Variants in PHF21A observed in about 807,000 individuals in gnomAD.
PHF21A encodes the protein PHD finger protein 21A, also known as BHC80a.
PHF21A carries 11 observed loss-of-function variants against 82.5 expected under a neutral mutation model. The observed-to-expected ratio is 0.13, with a 90% CI of 0.08 to 0.22. The LOEUF (loss-of-function observed/expected upper bound fraction) is 0.22, where lower values mean the gene tolerates loss of function less well. Ranked by LOEUF, PHF21A falls within the 10% of genes least tolerant of loss-of-function variation. PHF21A has a pLI of 1.00. For missense variants in PHF21A, 579 were observed against 837.8 expected (o/e 0.69, Z 3.81); for synonymous variants, 297 against 302.8 (o/e 0.98, Z 0.20).
chr11:46,005,048 C>T (rs549814207), intron 6 of PHF21A, among the ~76,000 whole-genome samples: 1 of 152,232 alleles, frequency 6.6e-6, no homozygotes, highest in South Asian at 2.1e-4. Context: ...CATGTATACA[C>T]CCAACTAATA....
intron 1 of PHF21A, among the ~76,000 whole-genome samples, chr11:46,093,706 A>G (rs1486605566): frequency 6.6e-6 from 1 of 152,206 alleles, no homozygotes; most frequent in East Asian, 1.9e-4. Context: ...GTAAATGCTC[A>G]ATAAATGTTT....
intron 6 of PHF21A, among the ~76,000 whole-genome samples, chr11:46,057,252 T>G (rs2096471932): frequency 6.6e-6 from 1 of 152,180 alleles, no homozygotes; most frequent in Non-Finnish European, 1.5e-5. Flanking sequence ...CAATGTACAC[T>G]CAACTCAGCT....
intron 9 of PHF21A, among the ~76,000 whole-genome samples, chr11:45,966,526 T>C (rs1465558685): frequency 6.6e-6 from 1 of 152,226 alleles, no homozygotes; most frequent in Non-Finnish European, 1.5e-5. Context: ...TCAGCCTTGC[T>C]TGGGTTCAAA....
chr11:45,974,480 G>T (rs2093930454), intron 7 of PHF21A, among the ~76,000 whole-genome samples: 1 of 151,392 alleles, frequency 6.6e-6, no homozygotes, highest in Non-Finnish European at 1.5e-5. Context: ...TTGAGACAGG[G>T]TCTTGCTCTG....
chr11:45,971,890 C>CTTTCTTTTT (rs57081937), intron 7 of PHF21A, among the ~76,000 whole-genome samples: 1,344 of 50,306 alleles, frequency 0.027, 383 homozygotes, highest in Non-Finnish European at 0.039. Context: ...CTTTTTCTTT[C>CTTTCTTTTT]TTTTTTTTTT....
At chr11:46,116,440 G>A (rs1466899216) in intron 1 of PHF21A, 1 of 152,064 alleles carries the variant, frequency 6.6e-6, no homozygotes, top group East Asian at 1.9e-4. Flanking sequence ...AGAGTCTATA[G>A]AAGAATCAGG....
At position 45,993,854 on chromosome 11, in the gene PHF21A, T is replaced by C. The variant is rs187459672; in HGVS notation, c.154-13888A>G. 3.6e-3 allele frequency among the ~76,000 whole-genome samples: 548 copies of C among 151,922 alleles called. 4 individuals are homozygous for C. The highest frequency in any genetic ancestry group is 0.01 in the Middle Eastern group (3 of 294). On this transcript the variant is annotated intron_variant, in intron 6 of 18. Coordinates refer to ENST00000676320, the MANE Select transcript of PHF21A (RefSeq NM_001352027.3). ...GATGAGGCTCGGGCAGCTGGCGAGA[T>C]AGCTCTGGAGCCTGTTACACCGACA...
At chr11:46,099,563 C>CA (rs55803326) in intron 1 of PHF21A, among the ~76,000 whole-genome samples, 2 of 146,974 alleles carry the variant, frequency 1.4e-5, no homozygotes. Flanking sequence ...CACACACACA[C>CA]CCTAAACACA....
intron 4 of PHF21A, among the ~76,000 whole-genome samples, chr11:46,081,742 A>G (rs973535420): frequency 1.3e-5 from 2 of 152,242 alleles, no homozygotes; most frequent in Non-Finnish European, 2.9e-5. Context: ...AAGGTAAGCA[A>G]AACAACCCAT....
At chr11:46,071,056 T>C (rs1243469069) in intron 6 of PHF21A, among the ~76,000 whole-genome samples, 2 of 152,226 alleles carry the variant, frequency 1.3e-5, no homozygotes, top group East Asian at 3.8e-4. Flanking sequence ...GTGCGGTAGA[T>C]GAATTACTGT....
intron 2 of PHF21A, among the ~76,000 whole-genome samples, chr11:46,091,641 C>T (rs1466854403): frequency 1.3e-5 from 2 of 152,182 alleles, no homozygotes; most frequent in Non-Finnish European, 2.9e-5. Context: ...GTTAAATTAA[C>T]CTAAGCCACT....
intron 6 of PHF21A, among the ~76,000 whole-genome samples, chr11:46,068,987 A>G (rs1466100391): frequency 6.6e-6 from 1 of 152,164 alleles, no homozygotes; most frequent in Non-Finnish European, 1.5e-5. Flanking sequence ...GAGATAGTAA[A>G]ATCTTTGACC....
intron 6 of PHF21A, among the ~76,000 whole-genome samples, chr11:45,988,257 T>C (rs1489695706): frequency 1.3e-5 from 2 of 152,170 alleles, no homozygotes; most frequent in Non-Finnish European, 2.9e-5. Flanking sequence ...GCAGAATACA[T>C]CCACTAAGAA....
At chr11:46,041,797 T>G (rs555508162) in intron 6 of PHF21A, among the ~76,000 whole-genome samples, 2 of 152,322 alleles carry the variant, frequency 1.3e-5, no homozygotes, top group African/African-American at 4.8e-5. Flanking sequence ...CTATCACACA[T>G]CTTTCTTCTC....
intron 3 of PHF21A, among the ~76,000 whole-genome samples, chr11:46,085,176 A>G (rs1358977232): frequency 6.6e-6 from 1 of 152,174 alleles, no homozygotes; most frequent in Non-Finnish European, 1.5e-5. Flanking sequence ...AGACAAATAC[A>G]ATGCAATATA....
intron 6 of PHF21A, among the ~76,000 whole-genome samples, chr11:46,046,753 A>G (rs1039539230): frequency 4.6e-5 from 7 of 152,282 alleles, no homozygotes; most frequent in Admixed American, 1.3e-4. Context: ...TAAACACACT[A>G]TAAAACCCAA....
chr11:45,968,575 TC>T (rs1195648672), intron 9 of PHF21A, among the ~76,000 whole-genome samples: 1 of 152,204 alleles, frequency 6.6e-6, no homozygotes, highest in Non-Finnish European at 1.5e-5. Context: ...GGATTTTAGG[TC>T]AGACTGAATG....
At chr11:46,023,489 G>A (rs1194160331) in intron 6 of PHF21A, among the ~76,000 whole-genome samples, 1 of 152,182 alleles carries the variant, frequency 6.6e-6, no homozygotes, top group Admixed American at 6.5e-5. Flanking sequence ...TCTAGAAAGG[G>A]TTAGGTCAGC....
intron 6 of PHF21A, among the ~76,000 whole-genome samples, chr11:46,073,154 C>T (rs1358389253): frequency 2.0e-5 from 3 of 151,954 alleles, no homozygotes; most frequent in African/African-American, 4.8e-5. Flanking sequence ...TGATGAAACC[C>T]GGTCTCTACT....
Sources: allele counts gnomAD v4.1 joint callset (sites outside exome capture counted in the v4.1 genomes callset), GRCh38; gene constraint gnomAD v4.1.1; transcripts MANE v1.5; gene names NCBI Gene and HGNC (gene_info 2026-07-23, HGNC 2026-07-21).